PDZRN3: variants seen among roughly 807,000 people sequenced by gnomAD.
PDZRN3 encodes the protein PDZ domain containing ring finger 3.
PDZRN3 carries 38 observed loss-of-function variants against 85.7 expected under a neutral mutation model. The observed-to-expected ratio is 0.44, with a 90% confidence interval of 0.34 to 0.58. The LOEUF (loss-of-function observed/expected upper bound fraction) is 0.58. PDZRN3 is among the 20% of genes least tolerant of loss of function. PDZRN3 has a pLI of 0.01. For missense variants in PDZRN3, 1,629 were observed against 1,506.4 expected (o/e 1.08, Z -1.35); for synonymous variants, 759 against 638.0 (o/e 1.19, Z -2.86).
chr3:73,614,767 C>T (rs1702735835), intron 1 of PDZRN3, among the ~76,000 whole-genome samples: 1 of 152,198 alleles, frequency 6.6e-6, no homozygotes, highest in Non-Finnish European at 1.5e-5. Flanking sequence ...AAATTCTTTA[C>T]TGAAGAATTG....
intron 3 of PDZRN3, among the ~76,000 whole-genome samples, chr3:73,440,467 C>T (rs576170164): frequency 1.3e-5 from 2 of 152,318 alleles, no homozygotes; most frequent in South Asian, 4.1e-4. Flanking sequence ...AGATTTGATG[C>T]GCCTTGATGT....
chr3:73,512,593 CTTG>C (rs1704187366), intron 3 of PDZRN3, among the ~76,000 whole-genome samples: 2 of 151,870 alleles, frequency 1.3e-5, no homozygotes, highest in South Asian at 2.1e-4. Context: ...CCAAATTGCA[CTTG>C]TTGTCTAAAA....
At chr3:73,484,069 A>G (rs555187476) in intron 3 of PDZRN3, among the ~76,000 whole-genome samples, 1 of 152,300 alleles carries the variant, frequency 6.6e-6, no homozygotes, top group East Asian at 1.9e-4. Context: ...CCTGGCAAAC[A>G]TGATGCGGGG....
chr3:73,419,014 A>G (rs1031448533), intron 3 of PDZRN3, among the ~76,000 whole-genome samples: 3 of 152,196 alleles, frequency 2.0e-5, no homozygotes, highest in African/African-American at 7.2e-5. Context: ...AGGTAGGAGA[A>G]TAAAACTTCA....
chr3:73,458,051 G>A (rs145455713), intron 3 of PDZRN3, among the ~76,000 whole-genome samples: 58 of 152,328 alleles, frequency 3.8e-4, no homozygotes, highest in Middle Eastern at 3.4e-3. Flanking sequence ...GGCACACAGG[G>A]CTCAGAGACC....
At chr3:73,582,297 A>G (rs1398885143) in intron 3 of PDZRN3, among the ~76,000 whole-genome samples, 3 of 151,988 alleles carry the variant, frequency 2.0e-5, no homozygotes, top group African/African-American at 7.3e-5. Flanking sequence ...GATTGTGGCA[A>G]CTCCACAAAA....
At chr3:73,579,562 T>A (rs1702168930) in intron 3 of PDZRN3, among the ~76,000 whole-genome samples, 1 of 152,214 alleles carries the variant, frequency 6.6e-6, no homozygotes, top group Non-Finnish European at 1.5e-5. Flanking sequence ...ATTTCCATAT[T>A]TTGGATGAGA....
chr3:73,553,484 G>A (rs1242567735), intron 3 of PDZRN3, among the ~76,000 whole-genome samples: 1 of 151,966 alleles, frequency 6.6e-6, no homozygotes, highest in Admixed American at 6.6e-5. Flanking sequence ...GCTGAGGCAG[G>A]AGAATCGCTT....
Position 73,384,795 on chromosome 3 carries a change from C to A in PDZRN3, c.1771G>T (p.Asp591Tyr). ...GGGTTGGAGGATGCGGTGGCGTCGT[C>A]GCCATTGTTCTCTTGCTCCGAGCTC... is the stretch of plus-strand genomic sequence containing the variant. ...DESSEQENNG[D>Y]DATASSNPLA... is the part of the protein sequence containing the mutation. Residue 591 changes from aspartate (D) to tyrosine (Y), a missense_variant, in exon 10 of 10, where the codon GAC becomes TAC. By Grantham distance (160) the Asp-to-Tyr change is radical (BLOSUM62 -3). Coordinates refer to ENST00000263666, the MANE Select transcript of PDZRN3 (RefSeq NM_015009.3). 6.2e-7 allele frequency: 1 copy of A among 1,614,002 alleles called. No homozygotes were observed. The highest frequency in any genetic ancestry group is 1.1e-5 in the South Asian group (1 of 91,092).
intron 3 of PDZRN3, among the ~76,000 whole-genome samples, chr3:73,430,528 C>T (rs953579): frequency 0.42 from 63,314 of 152,020 alleles, 13,736 homozygotes; most frequent in East Asian, 0.78. Context: ...TCCCCTCTTC[C>T]TGGCCTCCAT....
At chr3:73,469,584 T>A (rs199507661) in intron 3 of PDZRN3, among the ~76,000 whole-genome samples, 1 of 152,324 alleles carries the variant, frequency 6.6e-6, no homozygotes, top group East Asian at 1.9e-4. Context: ...CCAAAAGCTT[T>A]TGGCCAACTC....
intron 5 of PDZRN3, among the ~76,000 whole-genome samples, chr3:73,398,290 C>G (rs1701680675): frequency 1.3e-5 from 2 of 152,160 alleles, no homozygotes; most frequent in East Asian, 3.9e-4. Context: ...GGCGGCACAT[C>G]TCGACACTGC....
intron 3 of PDZRN3, among the ~76,000 whole-genome samples, chr3:73,424,499 G>A (rs559402623): frequency 2.9e-4 from 39 of 134,698 alleles, no homozygotes; most frequent in African/African-American, 9.9e-4. Flanking sequence ...CTGAGATCGT[G>A]CCACTGCACT....
At chr3:73,492,983 C>CATTTT (rs1559707030) in intron 3 of PDZRN3, among the ~76,000 whole-genome samples, 14 of 29,366 alleles carry the variant, frequency 4.8e-4, no homozygotes, top group African/African-American at 7.8e-4. Flanking sequence ...GGCTTTTCAA[C>CATTTT]CTTTTTTTTT....
chr3:73,470,249 C>T lies in PDZRN3; in HGVS notation c.919-65854G>A, dbSNP rs76714827. 7.3e-3 allele frequency among the ~76,000 whole-genome samples: 1,104 copies of T among 152,228 alleles called. 11 individuals are homozygous for T. Among genetic ancestry groups the T allele is most frequent in the African/African-American group, 0.025 (1,040 of 41,512 alleles). ...AAAGAAGCATTTTTATATTTTTAAT[C>T]GTGTCCCTCAATCAATAAATACAAA... is the stretch of plus-strand genomic sequence containing the variant. On this transcript the variant is annotated intron_variant, in intron 3 of 9. Transcript: ENST00000263666.
intron 3 of PDZRN3, among the ~76,000 whole-genome samples, chr3:73,443,300 C>T (rs979261906): frequency 1.3e-5 from 2 of 152,154 alleles, no homozygotes; most frequent in African/African-American, 4.8e-5. Flanking sequence ...TCGCAGATGG[C>T]TTCCCAGTTG....
chr3:73,469,369 T>A (rs1023909800), intron 3 of PDZRN3, among the ~76,000 whole-genome samples: 2 of 152,156 alleles, frequency 1.3e-5, no homozygotes, highest in Non-Finnish European at 2.9e-5. Context: ...CCACTCCCGG[T>A]CATGATTCAT....
At chr3:73,488,215 C>CA (rs1703700938) in intron 3 of PDZRN3, among the ~76,000 whole-genome samples, 1 of 152,158 alleles carries the variant, frequency 6.6e-6, no homozygotes, top group South Asian at 2.1e-4. Flanking sequence ...ATTAAAGCCT[C>CA]TGCCTTTTAG....
At chr3:73,547,418 G>C (rs1701451014) in intron 3 of PDZRN3, among the ~76,000 whole-genome samples, 1 of 152,228 alleles carries the variant, frequency 6.6e-6, no homozygotes. Flanking sequence ...CCAGTGAAAA[G>C]ATAGAAGTCC....
Sources: allele counts gnomAD v4.1 joint callset (sites outside exome capture counted in the v4.1 genomes callset), GRCh38; gene constraint gnomAD v4.1.1; transcripts MANE v1.5; gene names NCBI Gene and HGNC (gene_info 2026-07-23, HGNC 2026-07-21).